The following AMER1 variants were observed in gnomAD, a reference collection of about 807,000 sequenced individuals.
AMER1 encodes the protein APC membrane recruitment protein 1.
AMER1 carries 16 observed loss-of-function variants against 53.0 expected under a neutral mutation model. The observed-to-expected ratio is 0.30, with a 90% confidence interval of 0.20 to 0.46. AMER1 has a LOEUF of 0.46. Ranked by LOEUF, AMER1 falls within the 20% of genes least tolerant of loss-of-function variation. The pLI, the probability that AMER1 is intolerant of heterozygous loss-of-function variation, is 1.00. For missense variants in AMER1, 947 were observed against 884.9 expected, an observed-to-expected ratio of 1.07 and a Z score of -0.89; for synonymous variants, 354 against 331.9, an observed-to-expected ratio of 1.07 and a Z score of -0.73.
rs1417833376 is a variant in AMER1, at chrX:64,193,042, C to A, written c.245G>T (p.Gly82Val). Residue 82 changes from glycine to valine, a missense_variant, in exon 2 of 2, where the codon GGG (glycine) becomes GTG (valine). By Grantham distance (109) the Gly-to-Val change is moderately radical. Transcript: ENST00000374869. ...GAGACCTTTCTTGGAGCTGCCTTTC[C>A]CAGAACCTTTGCTCCGTCCCCCTCC... is the stretch of plus-strand genomic sequence containing the variant. ...FFGGGRSKGS[G>V]KGSSKKGLSK... 1 of 1,211,819 alleles carries A rather than the reference C, an allele frequency of 8.3e-7. No individual in the cohort carries two copies. The highest frequency in any genetic ancestry group is 1.1e-6 in the Non-Finnish European group (1 of 895,520).
chrX:64,200,446 G>T (rs1930463506), intron 1 of AMER1, among the ~76,000 whole-genome samples: 1 of 112,431 alleles, frequency 8.9e-6, no homozygotes, highest in African/African-American at 3.2e-5. Context: ...AGGGGACAAG[G>T]AGAGTGTGAT....
chrX:64,193,642 C>A (rs1174871276), intron 1 of AMER1, among the ~76,000 whole-genome samples: 1 of 112,123 alleles, frequency 8.9e-6, no homozygotes, highest in Non-Finnish European at 1.9e-5. Context: ...TCCCTTCAGA[C>A]CATCCTAAGC....
intron 1 of AMER1, among the ~76,000 whole-genome samples, chrX:64,193,600 G>A (rs1234948677): frequency 8.9e-6 from 1 of 112,297 alleles, no homozygotes; most frequent in Non-Finnish European, 1.9e-5. Context: ...GCAACAAGAA[G>A]CCTTCATCCC....
rs935906193 is a variant in AMER1, at chrX:64,190,441, T to C, written c.2846A>G (p.Tyr949Cys). 2.5e-6 allele frequency: 3 copies of C among 1,210,049 alleles called. No homozygotes were observed. The highest frequency in any genetic ancestry group is 3.4e-6 in the Non-Finnish European group (3 of 895,150). ...EWSRDSPLSL[Y>C]TEPPGAYDWP... ...ATCATAGGCCCCTGGGGGTTCAGTATAGAGGGAAAGGGGACTGTCTCGGCT... is the reference window on the plus strand; with the variant it reads ...ATCATAGGCCCCTGGGGGTTCAGTACAGAGGGAAAGGGGACTGTCTCGGCT... Residue 949 changes from tyrosine to cysteine, a missense_variant, in exon 2 of 2, where the codon TAT (tyrosine) becomes TGT (cysteine). Transcript: ENST00000374869.
Position 64,188,418 on chromosome X carries a change from C to T in AMER1, c.*1461G>A, listed in dbSNP as rs183285307. ...AGCTCTTCCCCACCAGTATTTCCAA[C>T]CTAGTTTAACATGAAAACTGCATGG... On this transcript the variant is annotated 3_prime_UTR_variant, in exon 2 of 2. Transcript: ENST00000374869. The T allele has an allele frequency of 4.8e-4, 385 of 803,199 alleles. 1 individual carries two copies. The African/African-American group carries it at 7.9e-3, about 17-fold the overall frequency. 66.2% of individuals were successfully genotyped at this position (803,199 alleles called of 1,213,427 possible).
chrX:64,202,674 T>G (rs147183568), intron 1 of AMER1, among the ~76,000 whole-genome samples: 1 of 111,689 alleles, frequency 9.0e-6, no homozygotes, highest in Non-Finnish European at 1.9e-5. Context: ...AAACTTTCCT[T>G]TGGAGGTAGC....
At chrX:64,196,690 G>T (rs747637080) in intron 1 of AMER1, among the ~76,000 whole-genome samples, 1 of 111,959 alleles carries the variant, frequency 8.9e-6, no homozygotes, top group East Asian at 2.8e-4. Context: ...GATGAATTAC[G>T]CAGGGTGTCC....
Position 64,193,455 on chromosome X carries a change from T to G in AMER1, c.-98-71A>C, listed in dbSNP as rs58157735. The G allele has an allele frequency of 0.022, 15,643 of 712,796 alleles. 1,598 individuals are homozygous for G. In the African/African-American group the frequency reaches 0.29, roughly 13 times the overall value. 58.7% of individuals were successfully genotyped at this position (712,796 alleles called of 1,213,427 possible). ...AGCAAGCATCCAGGCTGGGTTTGCTTTCACCGGACGTCAGGCTTGAGTGGA... is the reference window on the plus strand; with the variant it reads ...AGCAAGCATCCAGGCTGGGTTTGCTGTCACCGGACGTCAGGCTTGAGTGGA... On this transcript the variant is annotated intron_variant, in intron 1 of 1. Coordinates refer to ENST00000374869, the MANE Select transcript of AMER1 (RefSeq NM_152424.4).
At chrX:64,205,085 G>A (rs1243321227) in intron 1 of AMER1, among the ~76,000 whole-genome samples, 1 of 113,821 alleles carries the variant, frequency 8.8e-6, no homozygotes, top group Non-Finnish European at 1.9e-5. Context: ...AGGAGGGAGA[G>A]GCTGGAGATG....
chrX:64,200,627 T>C (rs1040478760), intron 1 of AMER1, among the ~76,000 whole-genome samples: 2 of 110,895 alleles, frequency 1.8e-5, no homozygotes, highest in African/African-American at 6.6e-5. Flanking sequence ...GGAGGAGTGG[T>C]CTTGTGCCCA....
chrX:64,204,212 G>A (rs768619816), intron 1 of AMER1, among the ~76,000 whole-genome samples: 1 of 113,450 alleles, frequency 8.8e-6, no homozygotes, highest in Admixed American at 9.2e-5. Flanking sequence ...GAATCCCGGT[G>A]GGGCAGGCAG....
Position 64,192,248 on chromosome X carries a change from C to T in AMER1, c.1039G>A (p.Gly347Arg), listed in dbSNP as rs923507144. ...CCATCTCGGTTTGCTCTCTGGCCCCCAGAGGCCATGCTGTCTGTCATACTG... is the reference window on the plus strand; with the variant it reads ...CCATCTCGGTTTGCTCTCTGGCCCCTAGAGGCCATGCTGTCTGTCATACTG... Reference protein sequence around the residue: ...MDSMTDSMASGGQRANRDGTK... With the variant: ...MDSMTDSMASRGQRANRDGTK... Residue 347 changes from glycine to arginine, a missense_variant, in exon 2 of 2, where the codon GGG (glycine) becomes AGG (arginine). Gly to Arg is a moderately radical substitution (Grantham distance 125, BLOSUM62 -2). Coordinates refer to ENST00000374869, the MANE Select transcript of AMER1 (RefSeq NM_152424.4). 1 of 1,210,736 alleles carries T rather than the reference C, an allele frequency of 8.3e-7. No homozygotes were observed. Among genetic ancestry groups the T allele is most frequent in the African/African-American group, 1.7e-5 (1 of 57,357 alleles).
intron 1 of AMER1, among the ~76,000 whole-genome samples, chrX:64,197,698 G>C (rs762183697): frequency 8.9e-6 from 1 of 112,406 alleles, no homozygotes; most frequent in Non-Finnish European, 1.9e-5. Context: ...ATGTTGGGGA[G>C]GGTTGGTTAA....
intron 1 of AMER1, among the ~76,000 whole-genome samples, chrX:64,195,356 T>C (rs906679506): frequency 2.7e-5 from 3 of 112,101 alleles, no homozygotes; most frequent in Admixed American, 1.9e-4. Context: ...CTGGAGTTGT[T>C]TGTGAAATTC....
In AMER1 at chrX:64,189,793, A is replaced by AGGGGGGGGGGCCCCCC; in HGVS notation, c.*85_*86insGGGGGGCCCCCCCCCC. On this transcript the variant is annotated 3_prime_UTR_variant, in exon 2 of 2. Transcript: ENST00000374869. ...CAAAGGGTTTTCAAGTTAAACAACA[A>AGGGGGGGGGGCCCCCC]CCCCCACCCCCCCACCCTTCTGCCC... 1 of 292,073 alleles carries AGGGGGGGGGGCCCCCC rather than the reference A, an allele frequency of 3.4e-6. No individual in the cohort carries two copies. 24.1% of individuals were successfully genotyped at this position (292,073 alleles called of 1,213,427 possible). A position where few individuals can be genotyped will look rare whatever the true frequency, so the allele number is the denominator to read the frequency against.
chrX:64,191,282 C>T lies in AMER1; in HGVS notation c.2005G>A (p.Gly669Arg), dbSNP rs2147086982. The change falls in exon 2 of 2, where the codon GGG becomes AGG. Residue 669 changes from glycine to arginine, a missense_variant. Gly to Arg is a moderately radical substitution (Grantham distance 125). Transcript: ENST00000374869. The part of the protein sequence containing the change: ...LGPSVMGLAA[G>R]VSGTSQISHR... Reference sequence around the variant, plus strand: ...GAAATCTGAGAGGTCCCTGATACCCCTGCTGCCAGGCCCATCACTGATGGG... The same window carrying T: ...GAAATCTGAGAGGTCCCTGATACCCTTGCTGCCAGGCCCATCACTGATGGG... 9 of 1,211,771 alleles carry T rather than the reference C, an allele frequency of 7.4e-6. No individual in the cohort carries two copies. The highest frequency in any genetic ancestry group is 8.9e-6 in the Non-Finnish European group (8 of 895,477).
At chrX:64,198,460 G>A (rs1405904613) in intron 1 of AMER1, among the ~76,000 whole-genome samples, 1 of 111,519 alleles carries the variant, frequency 9.0e-6, no homozygotes, top group Non-Finnish European at 1.9e-5. Flanking sequence ...ACTTGTCCAA[G>A]GTCACATAGT....
intron 1 of AMER1, among the ~76,000 whole-genome samples, chrX:64,200,536 T>C (rs886593440): frequency 8.9e-6 from 1 of 112,054 alleles, no homozygotes; most frequent in African/African-American, 3.2e-5. Context: ...CTTTCCCTGT[T>C]CTGGACCTCA....
intron 1 of AMER1, among the ~76,000 whole-genome samples, chrX:64,202,325 C>G (rs777298165): frequency 1.3e-4 from 14 of 111,816 alleles, no homozygotes; most frequent in Non-Finnish European, 1.5e-4. Flanking sequence ...ACTCAGCCCC[C>G]CTTTCCTCTT....
Sources: gnomAD v4.1 joint callset for allele counts (sites outside exome capture counted in the v4.1 genomes callset) on GRCh38, gnomAD v4.1.1 for gene constraint, MANE v1.5 for transcripts, NCBI Gene and HGNC (gene_info 2026-07-23, HGNC 2026-07-21) for gene names.